The following ANKRD17 variants were observed in gnomAD, a reference collection of about 807,000 sequenced individuals.
ANKRD17 encodes ankyrin repeat domain 17.
ANKRD17 carries 19 observed loss-of-function variants against 229.7 expected under a neutral mutation model. The observed-to-expected ratio is 0.08, with a 90% confidence interval of 0.06 to 0.12. The LOEUF is 0.12. Among genes scored for constraint, ANKRD17 ranks in the 10% least tolerant of loss-of-function variants. The probability of loss-of-function intolerance (pLI) is 1.00; values close to 1 mark genes in which losing one functional copy is unlikely to be tolerated. For missense variants in ANKRD17, 2,176 were observed against 3,176.8 expected, an observed-to-expected ratio of 0.68 and a Z score of 7.57; for synonymous variants, 1,112 against 1,146.1, an observed-to-expected ratio of 0.97 and a Z score of 0.60.
intron 1 of ANKRD17, among the ~76,000 whole-genome samples, chr4:73,246,604 T>G (rs1222435200): frequency 6.6e-6 from 1 of 152,158 alleles, no homozygotes; most frequent in African/African-American, 2.4e-5. Context: ...CACTGGTATA[T>G]AGATATGTAA....
chr4:73,120,832 T>TA (rs777567992), intron 20 of ANKRD17, 49 bp downstream of exon 20: 2 of 1,534,818 alleles, frequency 1.3e-6, no homozygotes, highest in Non-Finnish European at 1.8e-6. Flanking sequence ...CTATATATCT[T>TA]AAATATCAAA....
chr4:73,189,069 A>G (rs921218624), intron 1 of ANKRD17, among the ~76,000 whole-genome samples: 6 of 152,224 alleles, frequency 3.9e-5, no homozygotes, highest in African/African-American at 1.2e-4. Flanking sequence ...ATGAATTTAG[A>G]GGCAACTTCT....
chr4:73,180,205 C>A (rs1348365610), intron 1 of ANKRD17, among the ~76,000 whole-genome samples: 1 of 151,774 alleles, frequency 6.6e-6, no homozygotes, highest in Non-Finnish European at 1.5e-5. Flanking sequence ...GGAGACACTG[C>A]ATGCATAAAG....
Position 73,142,647 on chromosome 4 carries a change from C to A in ANKRD17, c.2078G>T (p.Arg693Leu). Residue 693 changes from arginine (R) to leucine (L), a missense_variant, in exon 12 of 34, where the codon CGT (arginine) becomes CTT (leucine). By Grantham distance (102) the Arg-to-Leu change is moderately radical (BLOSUM62 -2). This residue lies in a region of ANKRD17 where 275 missense variants were observed against 386.9 expected (regional missense o/e 0.71). Coordinates refer to ENST00000358602, the MANE Select transcript of ANKRD17 (RefSeq NM_032217.5). ...AACATTTGAGTTACATACTTTCAAA[C>A]GGTGAGTAGGATCTGCCCCATGAGC... ...LLAHGADPTH[R>L]LKDGSTMLIE... 6.2e-7 allele frequency: 1 copy of A among 1,613,870 alleles called. No homozygotes were observed.
In ANKRD17 at chr4:73,091,342, T is replaced by C; in HGVS notation, c.6286A>G (p.Ser2096Gly). 6.2e-7 allele frequency: 1 copy of C among 1,614,156 alleles called. No homozygotes were observed. The highest frequency in any genetic ancestry group is 8.5e-7 in the Non-Finnish European group (1 of 1,180,040). ...GCTGATGAACTCCCAGAAGAACTGC[T>C]GCTGTTTGGAGGTCTAGTGTTTGTT... ...ETTNTRPPNS[S>G]SSSGSSSAHS... is the part of the protein sequence containing the mutation. The change falls in exon 29 of 34, where the codon AGC becomes GGC. Residue 2096 changes from serine (S) to glycine (G), a missense_variant. Physicochemically the swap from Ser to Gly is moderately conservative, Grantham distance 56. Coordinates refer to ENST00000358602, the MANE Select transcript of ANKRD17 (RefSeq NM_032217.5).
chr4:73,213,869 G>A (rs1383442446), intron 1 of ANKRD17, among the ~76,000 whole-genome samples: 1 of 151,852 alleles, frequency 6.6e-6, no homozygotes, highest in African/African-American at 2.4e-5. Flanking sequence ...AACTTCTCTT[G>A]ACCAGATGAA....
chr4:73,235,647 G>A lies in ANKRD17; in HGVS notation c.393+22629C>T, dbSNP rs145084751. On this transcript the variant is annotated intron_variant, in intron 1 of 33. Transcript: ENST00000358602. ...TTCAGTCAATAACTAAAATAAGCCCGGATAAATAGAGTTATACTTTTAAAA... is the reference window on the plus strand; with the variant it reads ...TTCAGTCAATAACTAAAATAAGCCCAGATAAATAGAGTTATACTTTTAAAA... 1.8e-4 allele frequency among the ~76,000 whole-genome samples: 28 copies of A among 152,100 alleles called. No individual in the cohort carries two copies. In the East Asian group the frequency reaches 3.5e-3, roughly 19 times the overall value.
chr4:73,081,552 A>G (rs572974716), intron 30 of ANKRD17, among the ~76,000 whole-genome samples: 114 of 152,212 alleles, frequency 7.5e-4, no homozygotes, highest in Non-Finnish European at 1.4e-3. Flanking sequence ...AAAAAAAGCA[A>G]AATTTAATTC....
At chr4:73,211,106 T>A (rs943128046) in intron 1 of ANKRD17, among the ~76,000 whole-genome samples, 2 of 152,098 alleles carry the variant, frequency 1.3e-5, no homozygotes, top group Admixed American at 6.6e-5. Flanking sequence ...CGCTAAAAAT[T>A]AACCATATAG....
Position 73,146,098 on chromosome 4 carries a change from T to A in ANKRD17, c.1869+666A>T, listed in dbSNP as rs190625046. Reference sequence around the variant, plus strand: ...ACCTATTCTACCCACACACAGTTGCTTCATGCTTTCTTACCCCTCAGGCTT... The same window carrying A: ...ACCTATTCTACCCACACACAGTTGCATCATGCTTTCTTACCCCTCAGGCTT... On this transcript the variant is annotated intron_variant, in intron 10 of 33. Coordinates refer to ENST00000358602, the MANE Select transcript of ANKRD17 (RefSeq NM_032217.5). Among the ~76,000 whole-genome samples the A allele has an allele frequency of 5.3e-5, 8 of 152,250 alleles. No homozygotes were observed. The East Asian group carries it at 1.5e-3, about 29-fold the overall frequency.
intron 22 of ANKRD17, among the ~76,000 whole-genome samples, chr4:73,117,749 T>G (rs1296550832): frequency 6.6e-6 from 1 of 152,236 alleles, no homozygotes; most frequent in East Asian, 1.9e-4. Context: ...CTCAAAATTA[T>G]AATCCCTGTA....
chr4:73,204,358 C>CAAAAAAAAA (rs374000000), intron 1 of ANKRD17, among the ~76,000 whole-genome samples: 1 of 59,128 alleles, frequency 1.7e-5, no homozygotes, highest in Non-Finnish European at 3.0e-5. Context: ...GAGACTCCGT[C>CAAAAAAAAA]AAAAAAAAAA....
chr4:73,238,547 T>C (rs557024330), intron 1 of ANKRD17, among the ~76,000 whole-genome samples: 1 of 152,280 alleles, frequency 6.6e-6, no homozygotes, highest in South Asian at 2.1e-4. Flanking sequence ...CAGTATTAAC[T>C]AGCTACATTC....
intron 1 of ANKRD17, among the ~76,000 whole-genome samples, chr4:73,227,785 G>A (rs564734783): frequency 1.1e-4 from 16 of 152,168 alleles, no homozygotes; most frequent in African/African-American, 3.6e-4. Flanking sequence ...TTTCCTTGAA[G>A]AAGGAAAAAG....
chr4:73,156,800 A>G (rs915539351), intron 3 of ANKRD17, among the ~76,000 whole-genome samples: 5 of 152,148 alleles, frequency 3.3e-5, no homozygotes, highest in African/African-American at 1.2e-4. Flanking sequence ...CTGTGAGTCA[A>G]TTAAACCTCT....
chr4:73,109,046 T>G (rs577678276), intron 24 of ANKRD17, among the ~76,000 whole-genome samples: 48 of 152,220 alleles, frequency 3.2e-4, no homozygotes, highest in Non-Finnish European at 6.0e-4. Context: ...CGCCTGTTAT[T>G]CCCAGCACTT....
At chr4:73,170,451 G>A (rs1733835234) in intron 2 of ANKRD17, among the ~76,000 whole-genome samples, 1 of 150,020 alleles carries the variant, frequency 6.7e-6, no homozygotes, top group South Asian at 2.1e-4. Flanking sequence ...ACCTGCCTTG[G>A]TTGAGATTCT....
intron 30 of ANKRD17, 22 bp from the exon 31 acceptor site, chr4:73,078,912 A>G (rs538362849): frequency 6.2e-7 from 1 of 1,601,360 alleles, no homozygotes; most frequent in African/African-American, 1.3e-5. Context: ...ATATTTTGAA[A>G]TAAAATACAG....
chr4:73,081,248 C>CCAA (rs1721528437), intron 30 of ANKRD17, among the ~76,000 whole-genome samples: 1 of 152,082 alleles, frequency 6.6e-6, no homozygotes, highest in Non-Finnish European at 1.5e-5. Flanking sequence ...GAAGTTGAAC[C>CCAA]ACTGATGTGC....
Sources: allele counts gnomAD v4.1 joint callset (sites outside exome capture counted in the v4.1 genomes callset), GRCh38; gene constraint gnomAD v4.1.1; regional missense constraint gnomAD v4.1.1; transcripts MANE v1.5; gene names NCBI Gene and HGNC (gene_info 2026-07-23, HGNC 2026-07-21).